Variants in CSMD1 observed in about 807,000 individuals in gnomAD.
CSMD1 encodes the protein CUB and sushi domain-containing protein 1.
CSMD1 carries 213 observed loss-of-function variants against 417.5 expected under a neutral mutation model. The observed-to-expected ratio is 0.51, with a 90% CI of 0.46 to 0.57. The LOEUF is 0.57. Among genes scored for constraint, CSMD1 ranks in the 20% least tolerant of loss-of-function variants. The pLI, the probability that CSMD1 is intolerant of heterozygous loss-of-function variation, is 0.00. For missense variants in CSMD1, 6,923 were observed against 4,529.7 expected (o/e 1.53, Z -15.17); for synonymous variants, 2,862 against 1,736.8 (o/e 1.65, Z -16.11).
intron 7 of CSMD1, among the ~76,000 whole-genome samples, chr8:3,685,839 T>A (rs1477120855): frequency 1.3e-5 from 2 of 152,192 alleles, no homozygotes; most frequent in African/African-American, 4.8e-5. Context: ...GCATGCGACG[T>A]AAAATAATCA....
At chr8:4,270,229 C>T (rs1429574531) in intron 3 of CSMD1, among the ~76,000 whole-genome samples, 1 of 152,130 alleles carries the variant, frequency 6.6e-6, no homozygotes, top group Admixed American at 6.6e-5. Context: ...TCACACCAGG[C>T]ATTTCTTTCT....
intron 10 of CSMD1, among the ~76,000 whole-genome samples, chr8:3,520,344 A>T (rs558040779): frequency 2.0e-5 from 3 of 152,296 alleles, no homozygotes; most frequent in African/African-American, 4.8e-5. Flanking sequence ...ACTGCAGAAG[A>T]ATATTTTGAC....
chr8:4,413,913 G>A (rs1027010673), intron 3 of CSMD1, among the ~76,000 whole-genome samples: 1 of 152,196 alleles, frequency 6.6e-6, no homozygotes, highest in Non-Finnish European at 1.5e-5. Flanking sequence ...AATTAGCCCA[G>A]AGGAAAGTAA....
intron 3 of CSMD1, among the ~76,000 whole-genome samples, chr8:4,087,889 C>G (rs558768380): frequency 1.8e-4 from 28 of 152,292 alleles, no homozygotes; most frequent in Non-Finnish European, 2.6e-4. Context: ...CTTAACTCTG[C>G]TCATCTTTAG....
At chr8:3,550,908 A>G (rs1798882095) in intron 10 of CSMD1, among the ~76,000 whole-genome samples, 1 of 152,212 alleles carries the variant, frequency 6.6e-6, no homozygotes, top group Non-Finnish European at 1.5e-5. Flanking sequence ...AAATAGGAGT[A>G]TGGCATCATG....
intron 4 of CSMD1, among the ~76,000 whole-genome samples, chr8:4,010,896 A>C (rs1272283295): frequency 2.0e-5 from 3 of 152,192 alleles, no homozygotes; most frequent in Non-Finnish European, 4.4e-5. Flanking sequence ...AAACATACTG[A>C]AAGGTCTAAC....
intron 49 of CSMD1, among the ~76,000 whole-genome samples, chr8:3,081,629 ATAACCACTT>A (rs1184354902): frequency 1.3e-5 from 2 of 152,218 alleles, no homozygotes; most frequent in South Asian, 4.1e-4. Context: ...TGCAGGATTT[ATAACCACTT>A]TTGACCAAAT....
chr8:3,324,942 A>G (rs963081179), intron 23 of CSMD1, among the ~76,000 whole-genome samples: 1 of 152,090 alleles, frequency 6.6e-6, no homozygotes, highest in African/African-American at 2.4e-5. Context: ...GATTATTTTC[A>G]TATCAGTGTT....
chr8:4,180,196 G>A (rs1345817968), intron 3 of CSMD1, among the ~76,000 whole-genome samples: 1 of 151,986 alleles, frequency 6.6e-6, no homozygotes. Context: ...AACAATGATA[G>A]ACTGGATTAA....
At chr8:3,790,426 A>T (rs972375474) in intron 5 of CSMD1, among the ~76,000 whole-genome samples, 1 of 152,194 alleles carries the variant, frequency 6.6e-6, no homozygotes, top group African/African-American at 2.4e-5. Context: ...TGATAACAGT[A>T]TTATAATGAT....
At chr8:4,669,523 A>T (rs1240867276) in intron 1 of CSMD1, among the ~76,000 whole-genome samples, 1 of 152,156 alleles carries the variant, frequency 6.6e-6, no homozygotes, top group African/African-American at 2.4e-5. Context: ...CTTCTTCCAA[A>T]TTGACACATA....
At chr8:4,779,268 C>A (rs1797028858) in intron 1 of CSMD1, among the ~76,000 whole-genome samples, 1 of 150,246 alleles carries the variant, frequency 6.7e-6, no homozygotes, top group Admixed American at 6.6e-5. Flanking sequence ...CTTCTGAATC[C>A]CTTCCATGTA....
intron 1 of CSMD1, among the ~76,000 whole-genome samples, chr8:4,791,676 G>A (rs565254430): frequency 1.3e-5 from 2 of 152,152 alleles, no homozygotes; most frequent in African/African-American, 4.8e-5. Context: ...TTAAGACATG[G>A]AGAGAGAGGC....
rs905095690 is a variant in CSMD1, at chr8:4,216,720, T to TA, written c.416-184622dup. Among the ~76,000 whole-genome samples the TA allele has an allele frequency of 7.2e-4, 110 of 152,250 alleles. 1 individual carries two copies. The highest frequency in any genetic ancestry group is 3.4e-3 in the Middle Eastern group (1 of 294). On this transcript the variant is annotated intron_variant, in intron 3 of 69. Coordinates refer to ENST00000635120, the MANE Select transcript of CSMD1 (RefSeq NM_033225.6). ...ACCAGTCATCTAGGAGGAGGGGGTA[T>TA]AAACGAATGGAGATGTTTTAAGACC...
At chr8:4,048,662 C>A (rs1257464769) in intron 3 of CSMD1, among the ~76,000 whole-genome samples, 1 of 152,174 alleles carries the variant, frequency 6.6e-6, no homozygotes, top group Non-Finnish European at 1.5e-5. Context: ...CTTCCAACCA[C>A]AGAGGAAAGT....
intron 27 of CSMD1, among the ~76,000 whole-genome samples, chr8:3,227,662 A>C (rs1230207273): frequency 6.6e-6 from 1 of 152,222 alleles, no homozygotes; most frequent in Non-Finnish European, 1.5e-5. Context: ...GTCACTAAAA[A>C]CGAGTAGAAA....
chr8:3,842,113 G>A (rs954930829), intron 5 of CSMD1, among the ~76,000 whole-genome samples: 3 of 152,110 alleles, frequency 2.0e-5, no homozygotes, highest in African/African-American at 7.2e-5. Context: ...CCTTCATTCT[G>A]CCTAATTCAA....
intron 3 of CSMD1, among the ~76,000 whole-genome samples, chr8:4,216,986 A>ACCGTGGG (rs1800719047): frequency 6.6e-6 from 1 of 152,188 alleles, no homozygotes; most frequent in Non-Finnish European, 1.5e-5. Context: ...CCCACGGTTA[A>ACCGTGGG]GACTTCTCTA....
chr8:3,559,204 A>G (rs1410170085), intron 10 of CSMD1, among the ~76,000 whole-genome samples: 2 of 152,222 alleles, frequency 1.3e-5, no homozygotes, highest in African/African-American at 2.4e-5. Context: ...GGCAATAAGT[A>G]TCAATATTTC....
Sources: allele counts gnomAD v4.1 joint callset (sites outside exome capture counted in the v4.1 genomes callset), GRCh38; gene constraint gnomAD v4.1.1; transcripts MANE v1.5; gene names NCBI Gene and HGNC (gene_info 2026-07-23, HGNC 2026-07-21).